Variants in KCNAB2 observed in about 807,000 individuals in gnomAD.
The protein encoded by KCNAB2 is voltage-gated potassium channel subunit beta-2.
KCNAB2 carries 29 observed loss-of-function variants against 63.6 expected under a neutral mutation model. The observed-to-expected ratio is 0.46, with a 90% confidence interval of 0.34 to 0.62. The LOEUF is 0.62. Ranked by LOEUF, KCNAB2 falls within the 20% of genes least tolerant of loss-of-function variation. KCNAB2 has a pLI of 0.01. For synonymous variants in KCNAB2, 222 were observed against 224.2 expected (o/e 0.99, Z 0.09); for missense variants, 359 against 563.9 (o/e 0.64, Z 3.68).
chr1:6,032,795 C>G (rs1405739787), upstream of KCNAB2, among the ~76,000 whole-genome samples: 2 of 152,182 alleles, frequency 1.3e-5, no homozygotes, highest in African/African-American at 4.8e-5. Context: ...CAAAAAGGTT[C>G]AGCTAAATTG....
chr1:6,056,073 C>G (rs11121143), intron 2 of KCNAB2, among the ~76,000 whole-genome samples: 1 of 152,032 alleles, frequency 6.6e-6, no homozygotes, highest in Non-Finnish European at 1.5e-5. Flanking sequence ...GAGACAGAGT[C>G]TCACTCTGTC....
chr1:6,094,613 G>A lies in KCNAB2; in HGVS notation c.732+128G>A, dbSNP rs1454286988. 30 of 714,478 alleles carry A rather than the reference G, an allele frequency of 4.2e-5. No individual in the cohort carries two copies. In the East Asian group the frequency reaches 8.2e-4, roughly 19 times the overall value. 44.3% of individuals were successfully genotyped at this position (714,478 alleles called of 1,614,324 possible). On this transcript the variant is annotated intron_variant, in intron 11 of 15. Coordinates refer to ENST00000378083, the MANE Select transcript of KCNAB2 (RefSeq NM_001199862.2). Reference sequence around the variant, plus strand: ...ACTGCACCGATGCCTGGGTGCTAAGGGAGGGACAGGATGGTGGAGTGTGGT... The same window carrying A: ...ACTGCACCGATGCCTGGGTGCTAAGAGAGGGACAGGATGGTGGAGTGTGGT...
At chr1:6,058,155 A>G (rs1662001100) in intron 2 of KCNAB2, among the ~76,000 whole-genome samples, 1 of 152,228 alleles carries the variant, frequency 6.6e-6, no homozygotes, top group Admixed American at 6.5e-5. Flanking sequence ...CCTCAAAAAC[A>G]AAAAGCAAAA....
At position 6,086,999 on chromosome 1, in the gene KCNAB2, C is replaced by T. The variant is rs1247104391; in HGVS notation, c.426-468C>T. ...CGTTGCAGAGAGCTTCCCTGCCTGC[C>T]TCCCACCTACATCTTTCCATCCTCA... On this transcript the variant is annotated intron_variant, in intron 6 of 15. Coordinates refer to ENST00000378083, the MANE Select transcript of KCNAB2 (RefSeq NM_001199862.2). This position sits in a 1 kb window ranked among gnomAD's most constrained non-coding sequence, Gnocchi z 4.2. Among the ~76,000 whole-genome samples the T allele has an allele frequency of 6.6e-6, 1 of 152,164 alleles. No homozygotes were observed. Among genetic ancestry groups the T allele is most frequent in the Non-Finnish European group, 1.5e-5 (1 of 68,028 alleles).
At chr1:6,090,363 C>A in intron 8 of KCNAB2, 26 bp from the exon 9 acceptor site, 2 of 1,559,896 alleles carry the variant, frequency 1.3e-6, no homozygotes, top group East Asian at 2.2e-5. Context: ...ACAGCAGTGA[C>A]GCCCCCCCAC....
In KCNAB2 at chr1:6,069,076, C is replaced by T. The variant is rs537359986; in HGVS notation, c.219-3679C>T. ...GTCCCAAACAAGCACTCCCTGGGAC[C>T]CTGCCACTGCCAGCTCCAATTAGAA... On this transcript the variant is annotated intron_variant, in intron 2 of 15. Transcript: ENST00000378083. The surrounding 1 kb of genome is among the most constrained non-coding windows in gnomAD (Gnocchi z 5.4). Among the ~76,000 whole-genome samples, 2 of 152,194 alleles carry T rather than the reference C, an allele frequency of 1.3e-5. No individual in the cohort carries two copies. Among genetic ancestry groups the T allele is most frequent in the Non-Finnish European group, 1.5e-5 (1 of 68,032 alleles).
upstream of KCNAB2, among the ~76,000 whole-genome samples, chr1:6,033,413 T>C (rs1393519433): frequency 6.6e-6 from 1 of 151,134 alleles, no homozygotes; most frequent in East Asian, 1.9e-4. Context: ...CCTGTATGTG[T>C]GCATGTCTGT....
At chr1:6,045,884 C>T (rs1483326236), upstream of KCNAB2, 3 of 985,414 alleles carry the variant, frequency 3.0e-6, no homozygotes, top group East Asian at 1.1e-4. This position sits in a 1 kb window ranked among gnomAD's most constrained non-coding sequence, Gnocchi z 4.8. Flanking sequence ...CCCCACGCAC[C>T]GGGAGTCAGC....
rs1458438032 is a variant in KCNAB2, at chr1:6,078,725, G to T, written c.301-3470G>T. The stretch of plus-strand genomic sequence containing the variant: ...AAAAGGTCTGCCAAGGCTCGCCCTG[G>T]CTGCTGCACTGGGAATGGCGAGTCA... On this transcript the variant is annotated intron_variant, in intron 4 of 15. Transcript: ENST00000378083. This position sits in a 1 kb window ranked among gnomAD's most constrained non-coding sequence, Gnocchi z 4.2. Among the ~76,000 whole-genome samples the T allele has an allele frequency of 6.6e-6, 1 of 152,200 alleles. No individual in the cohort carries two copies. Among genetic ancestry groups the T allele is most frequent in the African/African-American group, 2.4e-5 (1 of 41,452 alleles).
At chr1:5,992,717 G>T (rs1656567513), upstream of KCNAB2, 1 of 152,308 alleles carries the variant, frequency 6.6e-6, no homozygotes, top group African/African-American at 2.4e-5. Flanking sequence ...ATTCGGGGGC[G>T]CTAAAGTCGC....
In KCNAB2 at chr1:6,074,909, A is replaced by T. The variant is rs900106919; in HGVS notation, c.300+1139A>T. 6.6e-6 allele frequency among the ~76,000 whole-genome samples: 1 copy of T among 151,410 alleles called. No individual in the cohort carries two copies. The highest frequency in any genetic ancestry group is 1.5e-5 in the Non-Finnish European group (1 of 67,898). ...GGGGAGGTTGCAGTGAGCCGAGATC[A>T]TATCACTGCACTCCAGCCTAGGCCG... On this transcript the variant is annotated intron_variant, in intron 4 of 15. Coordinates refer to ENST00000378083, the MANE Select transcript of KCNAB2 (RefSeq NM_001199862.2). The surrounding 1 kb of genome is among the most constrained non-coding windows in gnomAD (Gnocchi z 4.9).
intron 1 of KCNAB2, among the ~76,000 whole-genome samples, chr1:6,011,865 G>A (rs535548886): frequency 1.4e-4 from 21 of 152,368 alleles, no homozygotes; most frequent in African/African-American, 4.8e-4. Context: ...ACTGCAGCTT[G>A]GAGAGCAGCA....
chr1:6,067,881 A>C (rs1387499381), intron 2 of KCNAB2, among the ~76,000 whole-genome samples: 1 of 152,176 alleles, frequency 6.6e-6, no homozygotes, highest in Non-Finnish European at 1.5e-5. Flanking sequence ...AAATACAAAA[A>C]TTAGCTGGGC....
At chr1:6,050,630 C>A (rs1661304975) in intron 1 of KCNAB2, among the ~76,000 whole-genome samples, 1 of 152,240 alleles carries the variant, frequency 6.6e-6, no homozygotes, top group Non-Finnish European at 1.5e-5. Context: ...CAAATTCCCA[C>A]TATGTGGATG....
chr1:6,043,667 C>T (rs1660690071), upstream of KCNAB2, among the ~76,000 whole-genome samples: 1 of 152,210 alleles, frequency 6.6e-6, no homozygotes. Flanking sequence ...ACCCTCATCA[C>T]ACCAAGCATA....
rs1443048816 is a variant in KCNAB2 at position 6,098,854 on chromosome 1, C to T, written c.*280C>T. The T allele has an allele frequency of 2.9e-5, 9 of 315,074 alleles. No homozygotes were observed. The highest frequency in any genetic ancestry group is 5.2e-5 in the South Asian group (1 of 19,398). 19.5% of individuals were successfully genotyped at this position (315,074 alleles called of 1,614,324 possible). ...GTCACCTCTGCTCATCCTCCAAGAC[C>T]ACCCAGCTTTCTCCCAGCCACAGCC... On this transcript the variant is annotated 3_prime_UTR_variant, in exon 16 of 16. Coordinates refer to ENST00000378083, the MANE Select transcript of KCNAB2 (RefSeq NM_001199862.2).
chr1:6,043,734 A>G (rs983675729), upstream of KCNAB2, among the ~76,000 whole-genome samples: 1 of 152,244 alleles, frequency 6.6e-6, no homozygotes, highest in African/African-American at 2.4e-5. Context: ...GCCCTCTCAC[A>G]GGGCAGAGGC....
At chr1:6,051,798 C>T in intron 2 of KCNAB2, 44 bp downstream of exon 2, 4 of 1,507,462 alleles carry the variant, frequency 2.7e-6, no homozygotes, top group Non-Finnish European at 3.5e-6. Flanking sequence ...AGTCTGATTT[C>T]AGCCATATAA....
At chr1:6,083,783 G>GC (rs1664418212) in intron 5 of KCNAB2, among the ~76,000 whole-genome samples, 2 of 152,186 alleles carry the variant, frequency 1.3e-5, no homozygotes. Context: ...TCTTCCCGAG[G>GC]CCCCTTGCTT....
Sources: gnomAD v4.1 joint callset for allele counts (sites outside exome capture counted in the v4.1 genomes callset) on GRCh38, gnomAD v4.1.1 for gene constraint, Gnocchi (gnomAD v3.1) non-coding constraint, MANE v1.5 for transcripts, NCBI Gene and HGNC (gene_info 2026-07-23, HGNC 2026-07-21) for gene names.